CCNE2: variants seen among roughly 807,000 people sequenced by gnomAD.
CCNE2 encodes the protein cyclin E2.
In CCNE2, 18 loss-of-function variants were observed where a neutral mutation model predicts 56.8. The observed-to-expected ratio is 0.32, with a 90% CI of 0.22 to 0.47. The LOEUF (loss-of-function observed/expected upper bound fraction) is 0.47. CCNE2 is among the 20% of genes least tolerant of loss of function. The pLI is 1.00. For synonymous variants in CCNE2, 139 were observed against 149.2 expected (o/e 0.93, Z 0.50); for missense variants, 371 against 467.1 (o/e 0.79, Z 1.90).
intron 6 of CCNE2, 44 bp from the exon 7 acceptor site, chr8:94,888,117 TC>T (rs771660676): frequency 1.0e-5 from 14 of 1,387,154 alleles, no homozygotes; most frequent in Non-Finnish European, 1.4e-5. Flanking sequence ...TCTGAATTTC[TC>T]CAAATTAGAA....
chr8:94,890,780 G>T (rs979009138), intron 5 of CCNE2, among the ~76,000 whole-genome samples: 18 of 151,830 alleles, frequency 1.2e-4, no homozygotes, highest in Non-Finnish European at 2.6e-4. Flanking sequence ...TTTTAGTAGA[G>T]ATGGGGTTTC....
chr8:94,882,234 A>G lies in CCNE2; in HGVS notation c.999T>C (p.Asn333=). ...TCACTGGACTAGTACTTTTTACTAC[A>G]TTGACAAAAGGTACCATCCAATCTA... ...ECVDWMVPFV[N]VVKSTSPVKL... is the part of the protein sequence containing the mutation. Residue 333 remains asparagine (N), a synonymous_variant, in exon 11 of 12, where the codon AAT becomes AAC. Coordinates refer to ENST00000308108, the MANE Select transcript of CCNE2 (RefSeq NM_057749.3). 6.2e-7 allele frequency: 1 copy of G among 1,612,810 alleles called. No homozygotes were observed. Among genetic ancestry groups the G allele is most frequent in the South Asian group, 1.1e-5 (1 of 90,966 alleles).
intron 5 of CCNE2, 49 bp from the exon 6 acceptor site, chr8:94,890,599 T>A (rs780407144): frequency 7.6e-4 from 458 of 600,244 alleles, no homozygotes; most frequent in Middle Eastern, 1.5e-3. Context: ...ATATTTTTTT[T>A]TTTTTTTTTT....
intron 3 of CCNE2, 28 bp downstream of exon 3, chr8:94,893,995 C>T (rs759979217): frequency 6.2e-7 from 1 of 1,613,608 alleles, no homozygotes; most frequent in South Asian, 1.1e-5. Context: ...CATGGAATTT[C>T]GTTCCTCCCT....
intron 5 of CCNE2, among the ~76,000 whole-genome samples, chr8:94,892,507 C>T (rs1817282390): frequency 6.6e-6 from 1 of 152,074 alleles, no homozygotes; most frequent in South Asian, 2.1e-4. Flanking sequence ...GCAAGAAACA[C>T]GAATAAAAAT....
At chr8:94,883,093 G>T (rs186001674) in intron 9 of CCNE2, among the ~76,000 whole-genome samples, 7 of 152,104 alleles carry the variant, frequency 4.6e-5, no homozygotes, top group Admixed American at 3.3e-4. Flanking sequence ...GGCTAACACG[G>T]TGAAACCCCG....
At chr8:94,895,205 T>C (rs946803679), upstream of CCNE2, 15 of 985,672 alleles carry the variant, frequency 1.5e-5, no homozygotes, top group African/African-American at 2.6e-4. Context: ...TCGGCTCAGC[T>C]GGCGCCGGCG....
upstream of CCNE2, chr8:94,895,230 A>T (rs1461481707): frequency 1.2e-5 from 12 of 985,190 alleles, no homozygotes; most frequent in Non-Finnish European, 1.3e-5. Flanking sequence ...CCCAATATAT[A>T]GGCCGGGCCG....
chr8:94,883,895 C>A (rs748178280), intron 9 of CCNE2: 1 of 456,014 alleles, frequency 2.2e-6, no homozygotes, highest in South Asian at 1.5e-5. Flanking sequence ...CTCATTGGTC[C>A]AGAAGGTAGG....
At chr8:94,884,035 T>G in intron 9 of CCNE2, 1 of 326,856 alleles carries the variant, frequency 3.1e-6, no homozygotes, top group Non-Finnish European at 6.5e-6. Context: ...CCTAGGACAA[T>G]TTGGGATGCT....
intron 7 of CCNE2, among the ~76,000 whole-genome samples, chr8:94,887,696 C>T (rs1191848638): frequency 6.6e-6 from 1 of 152,172 alleles, no homozygotes; most frequent in East Asian, 1.9e-4. Context: ...CACTTAGATA[C>T]TAATCCCAGA....
chr8:94,889,320 A>G (rs1314245059), intron 6 of CCNE2, among the ~76,000 whole-genome samples: 1 of 152,234 alleles, frequency 6.6e-6, no homozygotes, highest in Admixed American at 6.5e-5. Flanking sequence ...ACACTGCTGG[A>G]TTTGATATAT....
chr8:94,883,891 G>T, intron 9 of CCNE2: 1 of 456,178 alleles, frequency 2.2e-6, no homozygotes, highest in South Asian at 1.5e-5. Context: ...TGTCCTCATT[G>T]GTCCAGAAGG....
chr8:94,883,675 C>T (rs1338252127), intron 9 of CCNE2: 1 of 233,250 alleles, frequency 4.3e-6, no homozygotes, highest in Non-Finnish European at 9.1e-6. Flanking sequence ...AATCAAAGTT[C>T]CATTTTAAGA....
At position 94,882,204 on chromosome 8, in the gene CCNE2, C is replaced by T. The variant is rs776396741; in HGVS notation, c.1029G>A (p.Leu343=). 9 of 1,613,316 alleles carry T rather than the reference C, an allele frequency of 5.6e-6. No individual in the cohort carries two copies. The highest frequency in any genetic ancestry group is 1.7e-5 in the Admixed American group (1 of 59,988). ...NVVKSTSPVK[L]KTFKKIPMED... ...CCATAGGAATCTTCTTAAAAGTCTT[C>T]AGCTTCACTGGACTAGTACTTTTTA... is the stretch of plus-strand genomic sequence containing the variant. Residue 343 remains leucine (L), a synonymous_variant, in exon 11 of 12, where the codon CTG becomes CTA. Coordinates refer to ENST00000308108, the MANE Select transcript of CCNE2 (RefSeq NM_057749.3).
intron 7 of CCNE2, 40 bp from the exon 8 acceptor site, chr8:94,885,598 G>T: frequency 8.2e-7 from 1 of 1,224,272 alleles, no homozygotes; most frequent in South Asian, 1.3e-5. Flanking sequence ...AATTGAGATA[G>T]AAATTAATTA....
intron 4 of CCNE2, among the ~76,000 whole-genome samples, chr8:94,893,216 CGAA>C (rs1037215388): frequency 1.8e-4 from 27 of 151,636 alleles, no homozygotes; most frequent in African/African-American, 6.5e-4. Flanking sequence ...CACCAGGTGT[CGAA>C]GAAGGACAGT....
chr8:94,883,490 C>G (rs1206559197), intron 9 of CCNE2, among the ~76,000 whole-genome samples: 3 of 152,154 alleles, frequency 2.0e-5, no homozygotes, highest in Non-Finnish European at 4.4e-5. Flanking sequence ...ACTTGGAACT[C>G]AGTTCACAGT....
chr8:94,888,692 T>C (rs1268767628), intron 6 of CCNE2, among the ~76,000 whole-genome samples: 1 of 152,028 alleles, frequency 6.6e-6, no homozygotes, highest in Non-Finnish European at 1.5e-5. Context: ...GCCCAGCTAA[T>C]TTTTTGTATT....
Sources: allele counts gnomAD v4.1 joint callset (sites outside exome capture counted in the v4.1 genomes callset), GRCh38; gene constraint gnomAD v4.1.1; transcripts MANE v1.5; gene names NCBI Gene and HGNC (gene_info 2026-07-23, HGNC 2026-07-21).